TSHZ3: variants seen among roughly 807,000 people sequenced by gnomAD.
The protein encoded by TSHZ3 is teashirt homolog 3.
TSHZ3 carries 10 observed loss-of-function variants against 64.5 expected under a neutral mutation model. That is an observed-to-expected ratio of 0.16 (90% CI 0.10 to 0.26). The LOEUF (loss-of-function observed/expected upper bound fraction) is 0.26. TSHZ3 is among the 10% of genes least tolerant of loss of function. The probability of loss-of-function intolerance (pLI) is 1.00; values close to 1 mark genes in which losing one functional copy is unlikely to be tolerated. For synonymous variants in TSHZ3, 608 were observed against 593.1 expected (o/e 1.03, Z -0.36); for missense variants, 1,242 against 1,421.7 (o/e 0.87, Z 2.03).
intron 5 of TSHZ3, among the ~76,000 whole-genome samples, chr19:31,184,381 C>T (rs1436928959): frequency 1.3e-5 from 2 of 152,088 alleles, no homozygotes; most frequent in Non-Finnish European, 2.9e-5. Flanking sequence ...AAAAATTGTT[C>T]GTCCTTGTAT....
intron 5 of TSHZ3, among the ~76,000 whole-genome samples, chr19:31,156,687 A>G (rs1974309721): frequency 6.6e-6 from 1 of 152,226 alleles, no homozygotes; most frequent in Non-Finnish European, 1.5e-5. Flanking sequence ...CATCAGTATC[A>G]AAGCCAAGTG....
At chr19:31,244,571 C>G (rs947091986) in intron 1 of TSHZ3, among the ~76,000 whole-genome samples, 17 of 152,220 alleles carry the variant, frequency 1.1e-4, no homozygotes, top group South Asian at 2.1e-4. Flanking sequence ...AATTAGCCTA[C>G]ATCCAAATAT....
chr19:31,159,023 G>C (rs753548072), intron 5 of TSHZ3, among the ~76,000 whole-genome samples: 2 of 151,746 alleles, frequency 1.3e-5, no homozygotes, highest in African/African-American at 4.9e-5. Context: ...GTTTTGAGAC[G>C]GACTCTGGCT....
chr19:31,260,328 CCTAA>C (rs1975968680), intron 1 of TSHZ3, among the ~76,000 whole-genome samples: 2 of 152,186 alleles, frequency 1.3e-5, no homozygotes, highest in Non-Finnish European at 2.9e-5. Flanking sequence ...TGGTGCCCTG[CCTAA>C]CTAAGTACAG....
intron 1 of TSHZ3, among the ~76,000 whole-genome samples, chr19:31,327,020 ACT>A (rs1353359021): frequency 1.3e-5 from 2 of 151,422 alleles, no homozygotes; most frequent in African/African-American, 4.9e-5. Flanking sequence ...CAGAATGTAG[ACT>A]CTCCTTCCTT....
At chr19:31,286,579 C>A (rs1029645093) in intron 1 of TSHZ3, among the ~76,000 whole-genome samples, 1 of 152,208 alleles carries the variant, frequency 6.6e-6, no homozygotes, top group African/African-American at 2.4e-5. Context: ...GTTCTGACCC[C>A]AAGCCCTCTG....
At chr19:31,289,268 C>T (rs1171088184) in intron 1 of TSHZ3, among the ~76,000 whole-genome samples, 1 of 152,184 alleles carries the variant, frequency 6.6e-6, no homozygotes, top group Middle Eastern at 3.2e-3. Flanking sequence ...ACCCTCCATG[C>T]TGACCTCATC....
chr19:31,236,875 G>C (rs909343222), intron 3 of TSHZ3, among the ~76,000 whole-genome samples: 2 of 152,272 alleles, frequency 1.3e-5, no homozygotes, highest in East Asian at 3.9e-4. Context: ...CAGGCTGGGC[G>C]TGGTGGCTCA....
intron 1 of TSHZ3, among the ~76,000 whole-genome samples, chr19:31,307,813 A>G (rs902942813): frequency 6.6e-6 from 1 of 152,022 alleles, no homozygotes; most frequent in Admixed American, 6.5e-5. Context: ...TCTGTTTTAG[A>G]TTTGGTTTGT....
At chr19:31,309,262 G>A (rs930645156) in intron 1 of TSHZ3, among the ~76,000 whole-genome samples, 2 of 152,238 alleles carry the variant, frequency 1.3e-5, no homozygotes, top group Admixed American at 1.3e-4. Flanking sequence ...CAGGGTGCGT[G>A]ATGTAAGAGG....
At chr19:31,285,395 G>A (rs952826103) in intron 1 of TSHZ3, among the ~76,000 whole-genome samples, 7 of 151,386 alleles carry the variant, frequency 4.6e-5, no homozygotes, top group Admixed American at 6.6e-5. Flanking sequence ...CAGGAGCATC[G>A]CTTCAGCCCA....
intron 1 of TSHZ3, among the ~76,000 whole-genome samples, chr19:31,245,880 A>G (rs2145187644): frequency 6.6e-6 from 1 of 152,186 alleles, no homozygotes; most frequent in East Asian, 1.9e-4. Context: ...ATATTTATTT[A>G]ACTAGAAAAT....
chr19:31,292,480 C>CA (rs141426804), intron 1 of TSHZ3, among the ~76,000 whole-genome samples: 9,911 of 152,220 alleles, frequency 0.065, 419 homozygotes, highest in Non-Finnish European at 0.1. Context: ...ATGTACAACT[C>CA]AAACTGTCAC....
intron 5 of TSHZ3, among the ~76,000 whole-genome samples, chr19:31,178,617 T>A (rs74348409): frequency 0.036 from 5,538 of 152,192 alleles, 350 homozygotes; most frequent in African/African-American, 0.13. Context: ...AGGCGGAGGT[T>A]GTAGTGAGCC....
chr19:31,277,712 A>G lies in TSHZ3; in HGVS notation c.2081T>C (p.Leu694Pro), dbSNP rs756431992. The change falls in exon 2 of 2, where the codon CTG becomes CCG. Residue 694 changes from leucine to proline, a missense_variant. Physicochemically the swap from Leu to Pro is moderately conservative, Grantham distance 98. Coordinates refer to ENST00000240587, the MANE Select transcript of TSHZ3 (RefSeq NM_020856.4). This position sits in a 1 kb window ranked among gnomAD's most constrained non-coding sequence, Gnocchi z 4.5. ...CAAACTGCTGGCTAGGGGCTTCACC[A>G]GCTCCTTGCCATTCTCCACCGGCTC... The part of the protein sequence containing the change: ...LAEPVENGKE[L>P]VKPLASSLSG... 1 of 1,524,296 alleles carries G rather than the reference A, an allele frequency of 6.6e-7. No homozygotes were observed. The highest frequency in any genetic ancestry group is 8.8e-7 in the Non-Finnish European group (1 of 1,138,362). 94.4% of individuals were successfully genotyped at this position (1,524,296 alleles called of 1,614,324 possible).
At chr19:31,202,248 A>C (rs1975098309) in intron 5 of TSHZ3, among the ~76,000 whole-genome samples, 1 of 152,204 alleles carries the variant, frequency 6.6e-6, no homozygotes, top group Non-Finnish European at 1.5e-5. Context: ...AAAATAATTC[A>C]CAAAAAAATA....
At chr19:31,182,911 A>G (rs1031907895) in intron 5 of TSHZ3, among the ~76,000 whole-genome samples, 1 of 152,330 alleles carries the variant, frequency 6.6e-6, no homozygotes, top group Middle Eastern at 3.4e-3. Flanking sequence ...ATTGCTGTGA[A>G]GGTATTTTTT....
At chr19:31,341,793 G>A (rs181302338) in intron 1 of TSHZ3, among the ~76,000 whole-genome samples, 35 of 152,156 alleles carry the variant, frequency 2.3e-4, no homozygotes, top group Middle Eastern at 6.8e-3. Context: ...CTGGTTCCAC[G>A]GCTACTTCTG....
At chr19:31,281,010 G>A (rs1976352265) in intron 1 of TSHZ3, among the ~76,000 whole-genome samples, 1 of 152,204 alleles carries the variant, frequency 6.6e-6, no homozygotes, top group Non-Finnish European at 1.5e-5. Flanking sequence ...TAAAGGAAAA[G>A]GAGAAATAAA....
Sources: gnomAD v4.1 joint callset for allele counts (sites outside exome capture counted in the v4.1 genomes callset) on GRCh38, gnomAD v4.1.1 for gene constraint, Gnocchi (gnomAD v3.1) non-coding constraint, MANE v1.5 for transcripts, NCBI Gene and HGNC (gene_info 2026-07-23, HGNC 2026-07-21) for gene names.